The following TFDP2 variants were observed in gnomAD, a reference collection of about 807,000 sequenced individuals.
TFDP2 encodes the protein transcription factor Dp-2 (E2F dimerization partner 2).
In TFDP2, 17 loss-of-function variants were observed where a neutral mutation model predicts 59.3. The observed-to-expected ratio is 0.29, with a 90% CI of 0.20 to 0.43. TFDP2 has a LOEUF of 0.43. Among genes scored for constraint, TFDP2 ranks in the 20% least tolerant of loss-of-function variants. The pLI, the probability that TFDP2 is intolerant of heterozygous loss-of-function variation, is 1.00. For synonymous variants in TFDP2, 180 were observed against 194.7 expected (o/e 0.92, Z 0.63); for missense variants, 391 against 528.8 (o/e 0.74, Z 2.56).
chr3:141,987,938 C>CAAAAAAAA (rs373394427), intron 6 of TFDP2, among the ~76,000 whole-genome samples: 27 of 129,594 alleles, frequency 2.1e-4, no homozygotes, highest in Non-Finnish European at 3.7e-4. Flanking sequence ...GACCCTGCCT[C>CAAAAAAAA]AAAAAAAAAA....
chr3:141,962,509 C>A (rs909522255), intron 10 of TFDP2, among the ~76,000 whole-genome samples: 2 of 152,046 alleles, frequency 1.3e-5, no homozygotes, highest in Non-Finnish European at 2.9e-5. Flanking sequence ...CAGGCGTGCG[C>A]CACCAAGCCT....
At chr3:142,042,183 G>A (rs75455810) in intron 3 of TFDP2, among the ~76,000 whole-genome samples, 5,828 of 152,020 alleles carry the variant, frequency 0.038, 182 homozygotes, top group Non-Finnish European at 0.054. Flanking sequence ...CTAATAAGGT[G>A]GTCTTATATT....
chr3:142,068,567 C>CT (rs1020201040), intron 3 of TFDP2, among the ~76,000 whole-genome samples: 166 of 144,032 alleles, frequency 1.2e-3, no homozygotes, highest in Admixed American at 1.5e-3. Flanking sequence ...TTATTTCTCA[C>CT]TTTTTTTTTT....
At chr3:142,048,086 C>T (rs1947436356) in intron 3 of TFDP2, among the ~76,000 whole-genome samples, 2 of 152,064 alleles carry the variant, frequency 1.3e-5, no homozygotes, top group South Asian at 2.1e-4. Flanking sequence ...AAAATAAGCA[C>T]ACAGAGAATA....
At chr3:142,134,266 C>T (rs142165594) in intron 1 of TFDP2, among the ~76,000 whole-genome samples, 12,579 of 149,660 alleles carry the variant, frequency 0.084, 682 homozygotes, top group Middle Eastern at 0.15. Context: ...GGAGAATCGC[C>T]TGAACCCGAG....
At chr3:141,953,227 G>C (rs11569286) in intron 11 of TFDP2, among the ~76,000 whole-genome samples, 2 of 151,966 alleles carry the variant, frequency 1.3e-5, no homozygotes, top group African/African-American at 2.4e-5. Flanking sequence ...AAAAAAATAC[G>C]GGAAGGCAGC....
At chr3:142,048,859 C>G (rs1476365633) in intron 3 of TFDP2, among the ~76,000 whole-genome samples, 1 of 152,184 alleles carries the variant, frequency 6.6e-6, no homozygotes, top group Non-Finnish European at 1.5e-5. Context: ...AGCCACTGTG[C>G]CCAGCCCGAA....
intron 3 of TFDP2, among the ~76,000 whole-genome samples, chr3:142,044,655 G>A (rs1455963921): frequency 6.6e-6 from 1 of 152,162 alleles, no homozygotes; most frequent in Non-Finnish European, 1.5e-5. Context: ...ACAGGCGTGA[G>A]CCACCGTGCC....
intron 1 of TFDP2, among the ~76,000 whole-genome samples, chr3:142,131,620 A>C (rs1441261685): frequency 6.6e-6 from 1 of 150,462 alleles, no homozygotes; most frequent in Non-Finnish European, 1.5e-5. Context: ...AAACACTTGG[A>C]GTATATAATG....
chr3:142,013,037 T>C (rs1944843664), intron 3 of TFDP2, among the ~76,000 whole-genome samples: 1 of 152,084 alleles, frequency 6.6e-6, no homozygotes. Flanking sequence ...CTTAGGAGGC[T>C]GAGGCAGGAG....
chr3:141,970,091 C>T lies in TFDP2; in HGVS notation c.714G>A (p.Leu238=). The T allele has an allele frequency of 6.2e-7, 1 of 1,614,150 alleles. No homozygotes were observed. Among genetic ancestry groups the T allele is most frequent in the South Asian group, 1.1e-5 (1 of 91,080 alleles). Residue 238 remains leucine (L), a synonymous_variant, in exon 9 of 13, where the codon CTG becomes CTA. Transcript: ENST00000489671. The part of the protein sequence containing the change: ...IERIKQKRAQ[L]QELLLQQIAF... ...TCTTTACCTGTAGGAGAAGTTCTTG[C>T]AGCTGGGCCCGCTTCTGCTTTATCC...
chr3:141,962,104 A>G (rs531470915), intron 10 of TFDP2, among the ~76,000 whole-genome samples: 1 of 151,914 alleles, frequency 6.6e-6, no homozygotes, highest in East Asian at 2.0e-4. Flanking sequence ...GTGCATCATC[A>G]CGCTAATTTT....
chr3:142,069,302 A>ACC (rs1364684720), intron 3 of TFDP2, among the ~76,000 whole-genome samples: 8 of 152,276 alleles, frequency 5.3e-5, no homozygotes, highest in South Asian at 2.1e-4. Flanking sequence ...ATAGCATTCC[A>ACC]TTATATGTAC....
At chr3:142,000,242 T>C in intron 4 of TFDP2, 1 of 700,890 alleles carries the variant, frequency 1.4e-6, no homozygotes, top group Non-Finnish European at 2.6e-6. Flanking sequence ...CACAGAAATT[T>C]ATTGCTCACT....
chr3:142,104,994 A>G (rs1016165466), intron 1 of TFDP2, among the ~76,000 whole-genome samples: 5 of 152,170 alleles, frequency 3.3e-5, no homozygotes, highest in African/African-American at 1.2e-4. Flanking sequence ...GATCCTGAAC[A>G]AGTAACCTAA....
chr3:142,109,651 A>AT (rs879361649), intron 1 of TFDP2, among the ~76,000 whole-genome samples: 1 of 151,802 alleles, frequency 6.6e-6, no homozygotes, highest in Non-Finnish European at 1.5e-5. Context: ...TTTGAATGTC[A>AT]TTTTTCTTTC....
intron 3 of TFDP2, among the ~76,000 whole-genome samples, chr3:142,046,335 A>T (rs1166098267): frequency 1.3e-5 from 2 of 152,216 alleles, no homozygotes; most frequent in Admixed American, 1.3e-4. Context: ...ATTTTCCATA[A>T]TAAAAAGCTT....
rs115702199 is a variant in TFDP2 at position 142,041,885 on chromosome 3, G to T, written c.83-36341C>A. ...GTTCATTTTTTTGCATACGGACTTT[G>T]ATTGTTCTAGCATCATTTGTTGAAA... is the stretch of plus-strand genomic sequence containing the variant. On this transcript the variant is annotated intron_variant, in intron 3 of 12. Transcript: ENST00000489671. Among the ~76,000 whole-genome samples the T allele has an allele frequency of 2.9e-3, 442 of 152,246 alleles. 1 individual carries two copies. The highest frequency in any genetic ancestry group is 0.01 in the African/African-American group (425 of 41,546).
At chr3:142,102,459 T>C (rs1313537787) in intron 1 of TFDP2, among the ~76,000 whole-genome samples, 1 of 152,164 alleles carries the variant, frequency 6.6e-6, no homozygotes, top group Non-Finnish European at 1.5e-5. Flanking sequence ...GATGAGAAAT[T>C]CTTTGCAGTA....
Sources: gnomAD v4.1 joint callset for allele counts (sites outside exome capture counted in the v4.1 genomes callset) on GRCh38, gnomAD v4.1.1 for gene constraint, MANE v1.5 for transcripts, NCBI Gene and HGNC (gene_info 2026-07-23, HGNC 2026-07-21) for gene names.